MCM5: variants seen among roughly 807,000 people sequenced by gnomAD.
MCM5 encodes the protein DNA replication licensing factor MCM5.
MCM5 carries 46 observed loss-of-function variants against 79.9 expected under a neutral mutation model. The ratio of observed to expected loss-of-function variants is 0.58; its 90% CI spans 0.45 to 0.74. MCM5 has a LOEUF of 0.74. MCM5 is among the 30% of genes least tolerant of loss of function. The pLI, the probability that MCM5 is intolerant of heterozygous loss-of-function variation, is 0.00. For missense variants in MCM5, 883 were observed against 1,017.0 expected, an observed-to-expected ratio of 0.87 and a Z score of 1.79; for synonymous variants, 404 against 390.5, an observed-to-expected ratio of 1.03 and a Z score of -0.41.
chr22:35,446,881 G>C, the MCM5 span, among the ~76,000 whole-genome samples: 1 of 152,210 alleles, frequency 6.6e-6, no homozygotes, highest in African/African-American at 2.4e-5. Context: ...GCAGAGACAA[G>C]TGCTCCGGTC....
the MCM5 span, among the ~76,000 whole-genome samples, chr22:35,433,611 G>A: frequency 2.6e-5 from 4 of 152,298 alleles, no homozygotes; most frequent in South Asian, 2.1e-4. Flanking sequence ...TATGTAAGTC[G>A]CTCTTCTGTC....
At position 35,406,519 on chromosome 22, in the gene MCM5, T is replaced by G. The variant is rs778630647; in HGVS notation, c.424-34T>G. ...TATCTCAGATGCGTCCTGGCTCCCC[T>G]TAACCAACAAGCTTCCCGATGGCTC... On this transcript the variant is annotated intron_variant, in intron 4 of 16. Coordinates refer to ENST00000216122, the MANE Select transcript of MCM5 (RefSeq NM_006739.4). The G allele has an allele frequency of 8.1e-6, 13 of 1,596,758 alleles. No individual in the cohort carries two copies. The South Asian group carries it at 1.4e-4, about 17-fold the overall frequency.
intron 16 of MCM5, 34 bp downstream of exon 16, chr22:35,423,375 C>G (rs561835941): frequency 6.4e-7 from 1 of 1,562,748 alleles, no homozygotes; most frequent in African/African-American, 1.4e-5. Flanking sequence ...TGTGAGCCGG[C>G]ACGGGGTGCA....
intron 5 of MCM5, among the ~76,000 whole-genome samples, chr22:35,407,132 G>A (rs191315717): frequency 3.9e-4 from 59 of 152,304 alleles, no homozygotes; most frequent in African/African-American, 1.4e-3. Context: ...CACTACAAAG[G>A]CAGGGTATGT....
chr22:35,403,975 C>T (rs1932140798), intron 4 of MCM5, among the ~76,000 whole-genome samples: 1 of 151,954 alleles, frequency 6.6e-6, no homozygotes, highest in Non-Finnish European at 1.5e-5. Context: ...GCTAGGTATG[C>T]TGGCATATGC....
At chr22:35,406,853 G>A (rs1932233267) in intron 5 of MCM5, 128 bp downstream of exon 5, 1 of 977,152 alleles carries the variant, frequency 1.0e-6, no homozygotes, top group Non-Finnish European at 1.5e-6. Flanking sequence ...GCAGGGGTGT[G>A]CCCTTAGGAT....
chr22:35,410,646 C>A, intron 6 of MCM5, 98 bp from the exon 7 acceptor site: 1 of 1,212,106 alleles, frequency 8.3e-7, no homozygotes, highest in Non-Finnish European at 1.2e-6. Context: ...AAAAATGCTG[C>A]AGTGGACCCT....
At chr22:35,404,152 GAA>G (rs901235986) in intron 4 of MCM5, among the ~76,000 whole-genome samples, 1 of 148,292 alleles carries the variant, frequency 6.7e-6, no homozygotes, top group Admixed American at 6.8e-5. Flanking sequence ...ACTTTATCCC[GAA>G]AAAAAAAAGT....
chr22:35,409,762 A>G (rs985573700), intron 6 of MCM5: 1 of 152,238 alleles, frequency 6.6e-6, no homozygotes, highest in African/African-American at 2.4e-5. Flanking sequence ...ATTAGTGGCA[A>G]CAGAGTATGT....
chr22:35,414,078 C>A, intron 9 of MCM5, 92 bp downstream of exon 9: 1 of 766,366 alleles, frequency 1.3e-6, no homozygotes, highest in Non-Finnish European at 2.3e-6. Context: ...CTGTGGTGGG[C>A]TGGCTCACCC....
chr22:35,453,815 T>TAG, the MCM5 span, among the ~76,000 whole-genome samples: 24 of 89,218 alleles, frequency 2.7e-4, no homozygotes, highest in South Asian at 8.1e-4. Context: ...TATATATATA[T>TAG]ATATAGAGAG....
At chr22:35,410,534 C>G (rs147091320) in intron 6 of MCM5, 1 of 557,314 alleles carries the variant, frequency 1.8e-6, no homozygotes, top group Non-Finnish European at 3.3e-6. Flanking sequence ...GTGGGCAACA[C>G]CATCCTCCAA....
chr22:35,421,815 A>C (rs902892573), intron 15 of MCM5: 12 of 351,000 alleles, frequency 3.4e-5, no homozygotes, highest in African/African-American at 1.5e-4. Context: ...TTTGCCTTAC[A>C]GCTGCCCCCT....
chr22:35,431,694 A>T, the MCM5 span, among the ~76,000 whole-genome samples: 13 of 152,188 alleles, frequency 8.5e-5, no homozygotes, highest in Admixed American at 7.9e-4. Flanking sequence ...TCCCACTGCC[A>T]TCCCTGTCAA....
intron 9 of MCM5, among the ~76,000 whole-genome samples, chr22:35,415,013 G>T (rs1030645403): frequency 3.9e-5 from 6 of 152,158 alleles, no homozygotes; most frequent in Non-Finnish European, 8.8e-5. Flanking sequence ...AGTAGAAATA[G>T]TGAACTGCAC....
At position 35,401,373 on chromosome 22, in the gene MCM5, T is replaced by C. The variant is rs4645737; in HGVS notation, c.167+768T>C. ...GCTCATTCATTTATTTATACCAGTC[T>C]TGCACCTTCATTGATTGAGCACCTG... On this transcript the variant is annotated intron_variant, in intron 2 of 16. Transcript: ENST00000216122. 952 of 471,522 alleles carry C rather than the reference T, an allele frequency of 2.0e-3. 11 individuals are homozygous for C. In the Admixed American group the frequency reaches 0.021, roughly 10 times the overall value. 29.2% of individuals were successfully genotyped at this position (471,522 alleles called of 1,614,324 possible). A position where few individuals can be genotyped will look rare whatever the true frequency, so the allele number is the denominator to read the frequency against.
At chr22:35,406,909 G>T (rs1569064828) in intron 5 of MCM5, among the ~76,000 whole-genome samples, 184 bp downstream of exon 5, 1 of 152,212 alleles carries the variant, frequency 6.6e-6, no homozygotes. Context: ...CATGAACAGG[G>T]TCCCTCTACA....
At chr22:35,427,881 A>C (rs1274867380), downstream of MCM5, among the ~76,000 whole-genome samples, 1 of 152,112 alleles carries the variant, frequency 6.6e-6, no homozygotes, top group East Asian at 1.9e-4. Context: ...GTGGTTAAGA[A>C]CATGGACTTG....
intron 7 of MCM5, among the ~76,000 whole-genome samples, chr22:35,411,850 C>T (rs1932391763): frequency 6.6e-6 from 1 of 152,202 alleles, no homozygotes; most frequent in Admixed American, 6.5e-5. Flanking sequence ...ACTTACATAT[C>T]TGAAAGGCAT....
Sources: allele counts gnomAD v4.1 joint callset (sites outside exome capture counted in the v4.1 genomes callset), GRCh38; gene constraint gnomAD v4.1.1; transcripts MANE v1.5; gene names NCBI Gene and HGNC (gene_info 2026-07-23, HGNC 2026-07-21).